Variants in KAZN observed in about 807,000 individuals in gnomAD.
KAZN encodes the protein kazrin.
KAZN carries 40 observed loss-of-function variants against 87.4 expected under a neutral mutation model. That is an observed-to-expected ratio of 0.46 (90% CI 0.36 to 0.60). KAZN has a LOEUF of 0.60. KAZN is among the 20% of genes least tolerant of loss of function. The pLI is 0.00. For synonymous variants in KAZN, 466 were observed against 458.3 expected (o/e 1.02, Z -0.22); for missense variants, 898 against 1,073.9 (o/e 0.84, Z 2.29).
chr1:14,814,363 A>C, intron 1 of KAZN, among the ~76,000 whole-genome samples: 1 of 152,040 alleles, frequency 6.6e-6, no homozygotes, highest in Non-Finnish European at 1.5e-5. Flanking sequence ...AGTATCTCCC[A>C]CGCCACCAAG....
intron 1 of KAZN, among the ~76,000 whole-genome samples, chr1:14,891,532 A>C (rs1654723327): frequency 6.6e-6 from 1 of 152,192 alleles, no homozygotes; most frequent in Admixed American, 6.5e-5. Flanking sequence ...TATTTTAACA[A>C]GCTTCCCAGC....
At chr1:13,907,228 C>T (rs970440059) in intron 1 of KAZN, among the ~76,000 whole-genome samples, 2 of 152,206 alleles carry the variant, frequency 1.3e-5, no homozygotes, top group Admixed American at 6.5e-5. Flanking sequence ...GGCACCCCCT[C>T]CAGGACTAGA....
intron 1 of KAZN, among the ~76,000 whole-genome samples, chr1:14,609,605 C>T (rs1677651658): frequency 6.6e-6 from 1 of 152,216 alleles, no homozygotes; most frequent in Admixed American, 6.5e-5. Flanking sequence ...TGATGCTCAG[C>T]ACCCTTTTTT....
At chr1:14,121,781 A>G (rs1322408450) in intron 1 of KAZN, among the ~76,000 whole-genome samples, 1 of 152,222 alleles carries the variant, frequency 6.6e-6, no homozygotes, top group Non-Finnish European at 1.5e-5. Flanking sequence ...ATCAGGGTAG[A>G]GGGTTCCAGT....
chr1:14,594,632 G>A (rs113067057), upstream of KAZN, among the ~76,000 whole-genome samples: 2,067 of 152,282 alleles, frequency 0.014, 29 homozygotes, highest in South Asian at 0.039. Context: ...TGGGGAACAC[G>A]CAAAAGGGGG....
At chr1:14,837,419 G>A (rs1414082122) in intron 1 of KAZN, among the ~76,000 whole-genome samples, 2 of 152,070 alleles carry the variant, frequency 1.3e-5, no homozygotes, top group Non-Finnish European at 2.9e-5. Context: ...GGCTGGTCTC[G>A]AACTCCCGAC....
At chr1:15,084,789 G>A (rs1640172466) in intron 8 of KAZN, among the ~76,000 whole-genome samples, 1 of 152,174 alleles carries the variant, frequency 6.6e-6, no homozygotes, top group Non-Finnish European at 1.5e-5. Flanking sequence ...CTGCTATTTA[G>A]ACCCAAAGAT....
intron 1 of KAZN, among the ~76,000 whole-genome samples, chr1:13,984,755 T>A (rs1344965127): frequency 6.6e-6 from 1 of 152,238 alleles, no homozygotes; most frequent in African/African-American, 2.4e-5. Context: ...CATATAAGTG[T>A]GCAATATATA....
chr1:13,898,200 G>A (rs190294255), intron 1 of KAZN, among the ~76,000 whole-genome samples: 26 of 152,340 alleles, frequency 1.7e-4, no homozygotes, highest in Admixed American at 1.5e-3. Flanking sequence ...TGGTATTCTT[G>A]TGGTCTCAGT....
At chr1:14,310,497 A>C (rs1186659407) in intron 2 of KAZN, among the ~76,000 whole-genome samples, 1 of 152,150 alleles carries the variant, frequency 6.6e-6, no homozygotes, top group Non-Finnish European at 1.5e-5. Flanking sequence ...TCCGTGGAAA[A>C]CACACACGCC....
At chr1:14,115,469 C>A (rs1223496446) in intron 1 of KAZN, among the ~76,000 whole-genome samples, 1 of 152,190 alleles carries the variant, frequency 6.6e-6, no homozygotes, top group South Asian at 2.1e-4. Context: ...AAAAAGGGAA[C>A]TTTCCCTGCA....
rs571692726 is a variant in KAZN, at chr1:15,081,229, C to T, written c.1223-12951C>T. Among the ~76,000 whole-genome samples the T allele has an allele frequency of 6.6e-6, 1 of 152,372 alleles. No individual in the cohort carries two copies. Among genetic ancestry groups the T allele is most frequent in the African/African-American group, 2.4e-5 (1 of 41,598 alleles). On this transcript the variant is annotated intron_variant, in intron 8 of 14. Coordinates refer to ENST00000376030, the MANE Select transcript of KAZN (RefSeq NM_201628.3). This position sits in a 1 kb window ranked among gnomAD's most constrained non-coding sequence, Gnocchi z 4.1. ...AGTGCTGGGCCAGGGCTGGCTCACA[C>T]AGGCCCACGGATGGCTCTCTTCCCA...
At chr1:14,895,473 G>A (rs746823496) in intron 1 of KAZN, among the ~76,000 whole-genome samples, 1 of 152,188 alleles carries the variant, frequency 6.6e-6, no homozygotes, top group Non-Finnish European at 1.5e-5. Flanking sequence ...AGCAGCCCAA[G>A]CCTCCACAGC....
intron 1 of KAZN, among the ~76,000 whole-genome samples, chr1:14,814,521 G>A (rs1404995851): frequency 1.3e-5 from 2 of 152,202 alleles, no homozygotes; most frequent in Non-Finnish European, 2.9e-5. Context: ...GCCAAAGGCT[G>A]CATCTTCTAT....
At position 14,127,870 on chromosome 1, in the gene KAZN, A is replaced by C. The variant is rs562531437; in HGVS notation, c.92-52565A>C. 7.2e-5 allele frequency among the ~76,000 whole-genome samples: 11 copies of C among 152,104 alleles called. 1 individual carries two copies. The South Asian group carries it at 2.3e-3, about 32-fold the overall frequency. On this transcript the variant is annotated intron_variant, in intron 1 of 16. Coordinates refer to the KAZN transcript ENST00000636203. ...TGGCTCGTGGGGTTGTTCTGTCTGG[A>C]GTGAAGAGAGATTTGAGGAAGTGTG...
intron 2 of KAZN, among the ~76,000 whole-genome samples, chr1:14,561,368 G>A (rs988609942): frequency 2.0e-5 from 3 of 152,212 alleles, no homozygotes; most frequent in Non-Finnish European, 2.9e-5. Flanking sequence ...GCCTGGGAAG[G>A]ACATGACAGA....
chr1:14,625,897 T>C (rs1015645462), intron 1 of KAZN, among the ~76,000 whole-genome samples: 1 of 152,210 alleles, frequency 6.6e-6, no homozygotes, highest in Admixed American at 6.5e-5. Flanking sequence ...GCAATGTCTT[T>C]TCTCCCTGGC....
At chr1:13,899,189 C>T (rs1464445954) in intron 1 of KAZN, among the ~76,000 whole-genome samples, 1 of 152,210 alleles carries the variant, frequency 6.6e-6, no homozygotes, top group Non-Finnish European at 1.5e-5. Context: ...GGCAATTGGG[C>T]ACAACCATAG....
chr1:15,039,945 A>G (rs1403125188), intron 3 of KAZN, among the ~76,000 whole-genome samples: 1 of 152,234 alleles, frequency 6.6e-6, no homozygotes, highest in Non-Finnish European at 1.5e-5. Context: ...AGAAAAATGA[A>G]CTTTGGAAAA....
Sources: allele counts gnomAD v4.1 joint callset (sites outside exome capture counted in the v4.1 genomes callset), GRCh38; gene constraint gnomAD v4.1.1; non-coding constraint Gnocchi (gnomAD v3.1); transcripts MANE v1.5; gene names NCBI Gene and HGNC (gene_info 2026-07-23, HGNC 2026-07-21).